PTPRT: variants seen among roughly 807,000 people sequenced by gnomAD.
The protein encoded by PTPRT is receptor-type tyrosine-protein phosphatase T.
In PTPRT, 56 loss-of-function variants were observed where a neutral mutation model predicts 176.8. That is an observed-to-expected ratio of 0.32 (90% CI 0.26 to 0.40). The LOEUF is 0.40. PTPRT is among the 10% of genes least tolerant of loss of function. The probability of loss-of-function intolerance (pLI) is 1.00; values close to 1 mark genes in which losing one functional copy is unlikely to be tolerated. For synonymous variants in PTPRT, 783 were observed against 739.0 expected, an observed-to-expected ratio of 1.06 and a Z score of -0.96; for missense variants, 1,540 against 1,908.2, an observed-to-expected ratio of 0.81 and a Z score of 3.60.
intron 7 of PTPRT, among the ~76,000 whole-genome samples, chr20:42,523,282 T>G (rs934412591): frequency 2.0e-5 from 3 of 152,338 alleles, no homozygotes; most frequent in African/African-American, 7.2e-5. Context: ...ACCATGCAGA[T>G]CTTGTAGCTG....
At chr20:42,301,734 GA>G (rs1378418567) in intron 12 of PTPRT, among the ~76,000 whole-genome samples, 1 of 152,124 alleles carries the variant, frequency 6.6e-6, no homozygotes, top group Non-Finnish European at 1.5e-5. Flanking sequence ...AGCAATTAGG[GA>G]ATCTGTATAG....
chr20:43,020,642 GGCCTGCCC>G (rs1287384883), intron 1 of PTPRT, among the ~76,000 whole-genome samples: 1 of 152,084 alleles, frequency 6.6e-6, no homozygotes, highest in Non-Finnish European at 1.5e-5. Context: ...CAGTGAGAGC[GGCCTGCCC>G]TAAGCATGCT....
chr20:42,112,488 T>C (rs773518576), intron 22 of PTPRT, among the ~76,000 whole-genome samples: 38 of 152,356 alleles, frequency 2.5e-4, no homozygotes, highest in Non-Finnish European at 3.8e-4. Context: ...CGTGGGACTT[T>C]CAGTGCTAAA....
At chr20:42,769,699 ATAGC>A (rs1240764588) in intron 5 of PTPRT, among the ~76,000 whole-genome samples, 1 of 152,238 alleles carries the variant, frequency 6.6e-6, no homozygotes, top group African/African-American at 2.4e-5. Context: ...CTTCTTTGTA[ATAGC>A]CAGAAACTGC....
the PTPRT span, among the ~76,000 whole-genome samples, chr20:42,060,704 A>G: frequency 1.3e-5 from 2 of 152,196 alleles, no homozygotes; most frequent in Non-Finnish European, 2.9e-5. Flanking sequence ...GTGGACCTGT[A>G]AGTTCCATGT....
In PTPRT at chr20:42,098,541, C is replaced by A; in HGVS notation, c.3726G>T (p.Gln1242His). 1 of 1,614,114 alleles carries A rather than the reference C, an allele frequency of 6.2e-7. No individual in the cohort carries two copies. The highest frequency in any genetic ancestry group is 8.5e-7 in the Non-Finnish European group (1 of 1,180,018). Residue 1242 changes from glutamine (Q) to histidine (H), a missense_variant, in exon 27 of 31, where the codon CAG (glutamine) becomes CAT (histidine). By Grantham distance (24) the Gln-to-His change is conservative. Around this residue, in one of 11 missense-constraint regions of PTPRT, gnomAD observed 342 missense variants for 394.0 expected, o/e 0.87. Transcript: ENST00000373187. ...GCTGGGTGACCACGAAGGCGGCAGG[C>A]TGCTTGTGGCTCTGACAAAGGAATG... ...INAALMDSHK[Q>H]PAAFVVTQHP...
chr20:42,973,048 G>T (rs1000021903), intron 1 of PTPRT, among the ~76,000 whole-genome samples: 1 of 151,992 alleles, frequency 6.6e-6, no homozygotes, highest in African/African-American at 2.4e-5. Context: ...AGGGTGTGGG[G>T]AAAGATGAGA....
rs1404416181 is a variant in PTPRT at position 42,658,669 on chromosome 20, G to T, written c.1153+19197C>A. ...GTTGGTGTTACAAATAAATTTTAGT[G>T]AGTAGATAAACTTGCAAATATGAAA... is the stretch of plus-strand genomic sequence containing the variant. On this transcript the variant is annotated intron_variant, in intron 7 of 30. Coordinates refer to ENST00000373187, the MANE Select transcript of PTPRT (RefSeq NM_007050.6). Among the ~76,000 whole-genome samples the T allele has an allele frequency of 2.0e-5, 3 of 152,152 alleles. No individual in the cohort carries two copies. The East Asian group carries it at 5.8e-4, about 29-fold the overall frequency.
At chr20:42,721,530 G>A (rs1382498258) in intron 6 of PTPRT, among the ~76,000 whole-genome samples, 1 of 152,222 alleles carries the variant, frequency 6.6e-6, no homozygotes, top group African/African-American at 2.4e-5. Context: ...CAGGCTTCTG[G>A]TTGGACAAGT....
rs1258101791 is a variant in PTPRT, at chr20:42,618,240, G to A, written c.1153+59626C>T. ...GAGCAGGTTGTTCAGTTTCCATGTC[G>A]TTGAGCGGCTTTGAGTGAGATTCTT... On this transcript the variant is annotated intron_variant, in intron 7 of 30. Coordinates refer to ENST00000373187, the MANE Select transcript of PTPRT (RefSeq NM_007050.6). Among the ~76,000 whole-genome samples the A allele has an allele frequency of 7.5e-4, 96 of 127,482 alleles. 16 individuals are homozygous for A. The highest frequency in any genetic ancestry group is 3.1e-3 in the African/African-American group (87 of 27,984). The allele number at this position is 127,482 out of a possible 152,430, so 83.6% of individuals were successfully genotyped here. A position where few individuals can be genotyped will look rare whatever the true frequency, so the allele number is the denominator to read the frequency against.
intron 1 of PTPRT, among the ~76,000 whole-genome samples, chr20:42,976,223 A>G (rs1982940094): frequency 6.6e-6 from 1 of 152,164 alleles, no homozygotes; most frequent in African/African-American, 2.4e-5. Flanking sequence ...TGTATCAGAT[A>G]CAGGGAGCCC....
intron 15 of PTPRT, among the ~76,000 whole-genome samples, chr20:42,214,018 G>A (rs751352917): frequency 1.2e-4 from 19 of 152,090 alleles, no homozygotes; most frequent in Non-Finnish European, 2.4e-4. Context: ...TATAAACAGG[G>A]TATTAAGTTC....
chr20:42,419,453 T>C (rs558736467), intron 9 of PTPRT, among the ~76,000 whole-genome samples: 1 of 152,310 alleles, frequency 6.6e-6, no homozygotes, highest in East Asian at 1.9e-4. Context: ...TTTTAGCATG[T>C]CTCTGCTTTG....
rs1982824041 is a variant in PTPRT, at chr20:42,076,867, C to T, written c.*4012G>A. 5.0e-6 allele frequency: 1 copy of T among 200,570 alleles called. No individual in the cohort carries two copies. Among genetic ancestry groups the T allele is most frequent in the South Asian group, 1.9e-4 (1 of 5,224 alleles). 12.4% of individuals were successfully genotyped at this position (200,570 alleles called of 1,614,324 possible). On this transcript the variant is annotated 3_prime_UTR_variant, in exon 31 of 31. Coordinates refer to ENST00000373187, the MANE Select transcript of PTPRT (RefSeq NM_007050.6). ...GGAATTTTAAGCTTACTGTTGTTTG[C>T]TTTGAGCTTTATCCACTGACGTATC...
At chr20:42,128,165 C>G (rs1246912002) in intron 19 of PTPRT, among the ~76,000 whole-genome samples, 1 of 152,196 alleles carries the variant, frequency 6.6e-6, no homozygotes, top group Non-Finnish European at 1.5e-5. Context: ...AGGCCCCTCT[C>G]CCCTCTCTTT....
chr20:42,679,810 G>C (rs2075572229), intron 6 of PTPRT, among the ~76,000 whole-genome samples: 1 of 151,890 alleles, frequency 6.6e-6, no homozygotes, highest in Non-Finnish European at 1.5e-5. Context: ...TTCTCTGATT[G>C]CTGGACCCAT....
chr20:42,727,034 C>T (rs6016881), intron 6 of PTPRT, among the ~76,000 whole-genome samples: 1 of 152,120 alleles, frequency 6.6e-6, no homozygotes, highest in African/African-American at 2.4e-5. Flanking sequence ...CACTTTTTGC[C>T]TGCCAATACT....
chr20:42,283,985 CT>C (rs2057184754), intron 12 of PTPRT, among the ~76,000 whole-genome samples: 3 of 152,016 alleles, frequency 2.0e-5, no homozygotes, highest in Non-Finnish European at 4.4e-5. Context: ...AGAAAGTCTG[CT>C]TTTGCTTGTG....
At chr20:42,818,087 G>A (rs1156265191) in intron 2 of PTPRT, among the ~76,000 whole-genome samples, 5 of 152,136 alleles carry the variant, frequency 3.3e-5, no homozygotes, top group Admixed American at 2.6e-4. Context: ...AACAGGGGTT[G>A]TCAGATACCC....
Sources: allele counts gnomAD v4.1 joint callset (sites outside exome capture counted in the v4.1 genomes callset), GRCh38; gene constraint gnomAD v4.1.1; regional missense constraint gnomAD v4.1.1; transcripts MANE v1.5; gene names NCBI Gene and HGNC (gene_info 2026-07-23, HGNC 2026-07-21).